Variants in SLC35F4 observed in about 807,000 individuals in gnomAD.
SLC35F4 encodes the protein solute carrier family 35 member F4, also known as chromosome 14 open reading frame 36.
Under a neutral mutation model 44.2 loss-of-function variants are expected in SLC35F4, and 24 were observed. The observed-to-expected ratio is 0.54, with a 90% CI of 0.39 to 0.76. SLC35F4 has a LOEUF of 0.76. Among genes scored for constraint, SLC35F4 ranks in the 30% least tolerant of loss-of-function variants. The pLI, the probability that SLC35F4 is intolerant of heterozygous loss-of-function variation, is 0.00. For synonymous variants in SLC35F4, 238 were observed against 223.6 expected, an observed-to-expected ratio of 1.06 and a Z score of -0.57; for missense variants, 562 against 586.1, an observed-to-expected ratio of 0.96 and a Z score of 0.42.
intron 1 of SLC35F4, among the ~76,000 whole-genome samples, chr14:57,799,690 G>A (rs1166479227): frequency 6.6e-6 from 1 of 152,172 alleles, no homozygotes; most frequent in Non-Finnish European, 1.5e-5. Flanking sequence ...GAATACAAAT[G>A]GTCAAAACGA....
intron 1 of SLC35F4, among the ~76,000 whole-genome samples, chr14:57,683,950 T>A (rs1404631103): frequency 6.6e-6 from 1 of 152,010 alleles, no homozygotes; most frequent in Non-Finnish European, 1.5e-5. Context: ...TCTGATCTCT[T>A]TTCTGGTTCA....
At chr14:57,887,181 T>C (rs963265411) in intron 1 of SLC35F4, among the ~76,000 whole-genome samples, 2 of 152,146 alleles carry the variant, frequency 1.3e-5, no homozygotes, top group African/African-American at 4.8e-5. Context: ...GGCCCACAGT[T>C]CTGTAGTCTT....
chr14:57,866,957 AAATAATAATAATAATAAT>A (rs4035380), upstream of SLC35F4, among the ~76,000 whole-genome samples: 38 of 136,060 alleles, frequency 2.8e-4, no homozygotes, highest in African/African-American at 7.8e-4. Context: ...AGCTTCCTGC[AAATAATAATAATAATAAT>A]AATAATAATA....
At chr14:57,942,101 A>G (rs540603509) in intron 1 of SLC35F4, among the ~76,000 whole-genome samples, 3 of 152,276 alleles carry the variant, frequency 2.0e-5, no homozygotes, top group Admixed American at 6.5e-5. Flanking sequence ...GGTTAGAGAG[A>G]TGCCACTGAC....
intron 1 of SLC35F4, among the ~76,000 whole-genome samples, chr14:57,648,272 T>C (rs1281275505): frequency 6.6e-6 from 1 of 152,122 alleles, no homozygotes; most frequent in Non-Finnish European, 1.5e-5. Context: ...AAAAATGGAA[T>C]TGATGAGTAA....
chr14:57,727,024 T>C (rs1049382328), intron 1 of SLC35F4, among the ~76,000 whole-genome samples: 1 of 152,088 alleles, frequency 6.6e-6, no homozygotes, highest in African/African-American at 2.4e-5. Context: ...GTTCTTCAGT[T>C]TGGGGACTTG....
At chr14:57,872,653 GTAACACT>G (rs1888319791) in intron 1 of SLC35F4, among the ~76,000 whole-genome samples, 1 of 152,164 alleles carries the variant, frequency 6.6e-6, no homozygotes, top group Non-Finnish European at 1.5e-5. Flanking sequence ...GGGGACAGAT[GTAACACT>G]GGGCAAACCT....
At chr14:57,586,350 C>A (rs760689190) in intron 3 of SLC35F4, among the ~76,000 whole-genome samples, 2 of 152,016 alleles carry the variant, frequency 1.3e-5, no homozygotes, top group African/African-American at 4.8e-5. Context: ...AAGACTTAAA[C>A]GTAAGACCTA....
intron 1 of SLC35F4, among the ~76,000 whole-genome samples, chr14:57,694,247 C>A (rs892852805): frequency 6.6e-6 from 1 of 152,280 alleles, no homozygotes; most frequent in Non-Finnish European, 1.5e-5. Flanking sequence ...GATCCTTAAA[C>A]TCTATTGACT....
At chr14:57,598,101 A>G (rs1261957369) in intron 1 of SLC35F4, among the ~76,000 whole-genome samples, 1 of 152,134 alleles carries the variant, frequency 6.6e-6, no homozygotes, top group Middle Eastern at 3.2e-3. Flanking sequence ...AAACCTCAGG[A>G]ACACCTGGAA....
intron 1 of SLC35F4, among the ~76,000 whole-genome samples, chr14:57,675,054 C>T (rs1203249536): frequency 6.6e-6 from 1 of 152,046 alleles, no homozygotes; most frequent in African/African-American, 2.4e-5. Flanking sequence ...CTGTATAATT[C>T]CACTTACATA....
At chr14:57,649,649 A>G (rs2073695957) in intron 1 of SLC35F4, among the ~76,000 whole-genome samples, 1 of 152,146 alleles carries the variant, frequency 6.6e-6, no homozygotes, top group Non-Finnish European at 1.5e-5. Flanking sequence ...TCTGCCAACC[A>G]CAGCATGTCA....
chr14:57,668,631 A>T (rs1399518237), intron 1 of SLC35F4, among the ~76,000 whole-genome samples: 1 of 152,092 alleles, frequency 6.6e-6, no homozygotes, highest in Non-Finnish European at 1.5e-5. Context: ...GTCAAAGATC[A>T]GATAGTTGTA....
chr14:57,902,466 G>C (rs1433599581), intron 1 of SLC35F4, among the ~76,000 whole-genome samples: 1 of 151,866 alleles, frequency 6.6e-6, no homozygotes, highest in East Asian at 1.9e-4. Context: ...GGGAGGCTGA[G>C]GCAGGAGAAT....
At chr14:57,729,624 C>T (rs1344151680) in intron 1 of SLC35F4, among the ~76,000 whole-genome samples, 1 of 152,134 alleles carries the variant, frequency 6.6e-6, no homozygotes, top group Non-Finnish European at 1.5e-5. Context: ...AGACAAAGTC[C>T]TCTTTACTCT....
intron 1 of SLC35F4, among the ~76,000 whole-genome samples, chr14:57,661,014 C>T (rs2140236047): frequency 6.6e-6 from 1 of 152,290 alleles, no homozygotes; most frequent in Admixed American, 6.5e-5. Context: ...TTGGATTGTT[C>T]CATTTCTTCG....
intron 1 of SLC35F4, among the ~76,000 whole-genome samples, chr14:57,761,765 C>G (rs908387734): frequency 2.0e-5 from 3 of 152,108 alleles, no homozygotes; most frequent in African/African-American, 7.2e-5. Flanking sequence ...CGCAAAAGAT[C>G]TTGTGAAGGG....
chr14:57,714,568 T>C (rs560578625), intron 1 of SLC35F4, among the ~76,000 whole-genome samples: 73 of 152,184 alleles, frequency 4.8e-4, no homozygotes, highest in Non-Finnish European at 9.6e-4. Flanking sequence ...CTTGCTCTTA[T>C]AAATCAGACC....
intron 2 of SLC35F4, among the ~76,000 whole-genome samples, chr14:57,591,322 C>G (rs2070167842): frequency 6.6e-6 from 1 of 152,146 alleles, no homozygotes; most frequent in African/African-American, 2.4e-5. Context: ...GAAAAAATGT[C>G]CATGGTGCAG....
Sources: allele counts gnomAD v4.1 joint callset (sites outside exome capture counted in the v4.1 genomes callset), GRCh38; gene constraint gnomAD v4.1.1; transcripts MANE v1.5; gene names NCBI Gene and HGNC (gene_info 2026-07-23, HGNC 2026-07-21).